KCNH2: variants seen among roughly 807,000 people sequenced by gnomAD.
The protein encoded by KCNH2 is potassium voltage-gated channel subfamily H member 2.
In KCNH2, 35 loss-of-function variants were observed where a neutral mutation model predicts 95.9. That is an observed-to-expected ratio of 0.37 (90% CI 0.28 to 0.48). KCNH2 has a LOEUF of 0.48. KCNH2 is among the 20% of genes least tolerant of loss of function. The pLI is 0.99. For missense variants in KCNH2, 1,274 were observed against 1,702.9 expected (o/e 0.75, Z 4.43); for synonymous variants, 786 against 754.7 (o/e 1.04, Z -0.68).
chr7:150,948,918 T>A lies in KCNH2; in HGVS notation c.2530A>T (p.Met844Leu). The A allele has an allele frequency of 3.1e-6, 5 of 1,614,208 alleles. No individual in the cohort carries two copies. The highest frequency in any genetic ancestry group is 4.2e-6 in the Non-Finnish European group (5 of 1,180,024). Residue 844 changes from methionine (M) to leucine (L), a missense_variant, in exon 10 of 15, where the codon ATG (methionine) becomes TTG (leucine). Coordinates refer to ENST00000262186, the MANE Select transcript of KCNH2 (RefSeq NM_000238.4). ...HRDDLLEVLD[M>L]YPEFSDHFWS... ...AAGTGGTCGGAGAACTCAGGGTACATGTCCAGCACCTCCAGCAGGTCGTCC... is the reference window on the plus strand; with the variant it reads ...AAGTGGTCGGAGAACTCAGGGTACAAGTCCAGCACCTCCAGCAGGTCGTCC...
chr7:150,970,661 G>C (rs916115616), intron 2 of KCNH2, among the ~76,000 whole-genome samples: 1 of 152,156 alleles, frequency 6.6e-6, no homozygotes, highest in Non-Finnish European at 1.5e-5. Flanking sequence ...CAACTGGCTC[G>C]GAAGCAGGGC....
In KCNH2 at chr7:150,946,744, T is replaced by G; in HGVS notation, c.3330+133A>C. Reference sequence around the variant, plus strand: ...CAGCCTTCCTCCAGGAGGACAGGGGTGGGAGGAGGGCAGGAACAAGGTTCA... The same window carrying G: ...CAGCCTTCCTCCAGGAGGACAGGGGGGGGAGGAGGGCAGGAACAAGGTTCA... On this transcript the variant is annotated intron_variant, in intron 14 of 14. Coordinates refer to ENST00000262186, the MANE Select transcript of KCNH2 (RefSeq NM_000238.4). This position sits in a 1 kb window ranked among gnomAD's most constrained non-coding sequence, Gnocchi z 6.5. 17 of 766,112 alleles carry G rather than the reference T, an allele frequency of 2.2e-5. No homozygotes were observed. Among genetic ancestry groups the G allele is most frequent in the South Asian group, 5.9e-5 (3 of 51,206 alleles). 47.5% of individuals were successfully genotyped at this position (766,112 alleles called of 1,614,324 possible). A position where few individuals can be genotyped will look rare whatever the true frequency, so the allele number is the denominator to read the frequency against.
In KCNH2 at chr7:150,945,568, G is replaced by C; in HGVS notation, c.3331-54C>G. 2.6e-6 allele frequency: 4 copies of C among 1,533,464 alleles called. No individual in the cohort carries two copies. Among genetic ancestry groups the C allele is most frequent in the East Asian group, 2.4e-5 (1 of 41,048 alleles). The allele number at this position is 1,533,464 out of a possible 1,614,324, so 95.0% of individuals were successfully genotyped here. A position where few individuals can be genotyped will look rare whatever the true frequency, so the allele number is the denominator to read the frequency against. On this transcript the variant is annotated intron_variant, in intron 14 of 14. Transcript: ENST00000262186. This position sits in a 1 kb window ranked among gnomAD's most constrained non-coding sequence, Gnocchi z 5.6. ...GAAGAGGCCATGGAGGAGGAGGAAG[G>C]GGAGGGAAAGGGGCAGGAGAACCCG...
At chr7:150,949,710 C>T (rs1175064930) in intron 9 of KCNH2, 31 of 1,176,814 alleles carry the variant, frequency 2.6e-5, no homozygotes, top group Non-Finnish European at 3.1e-5. Flanking sequence ...CACACCAACC[C>T]ACCCACTGTG....
At chr7:150,968,577 G>A (rs997563658) in intron 2 of KCNH2, among the ~76,000 whole-genome samples, 1 of 152,214 alleles carries the variant, frequency 6.6e-6, no homozygotes, top group Non-Finnish European at 1.5e-5. Flanking sequence ...ACATATGCAA[G>A]CAACACATTC....
At position 150,962,836 on chromosome 7, in the gene KCNH2, G is replaced by A. The variant is rs1306570848; in HGVS notation, c.308-3100C>T. Among the ~76,000 whole-genome samples the A allele has an allele frequency of 4.6e-5, 7 of 152,174 alleles. No individual in the cohort carries two copies. The highest frequency in any genetic ancestry group is 3.3e-4 in the Admixed American group (5 of 15,290). Reference sequence around the variant, plus strand: ...GGAAGGAAGGAAAGTAGGGGCCCCAGATAGGCCTGGGCTCTCAGAGGCACT... The same window carrying A: ...GGAAGGAAGGAAAGTAGGGGCCCCAAATAGGCCTGGGCTCTCAGAGGCACT... On this transcript the variant is annotated intron_variant, in intron 2 of 14. Coordinates refer to ENST00000262186, the MANE Select transcript of KCNH2 (RefSeq NM_000238.4). This position sits in a 1 kb window ranked among gnomAD's most constrained non-coding sequence, Gnocchi z 5.7.
At chr7:150,965,707 G>A (rs1014788514) in intron 2 of KCNH2, among the ~76,000 whole-genome samples, 5 of 152,168 alleles carry the variant, frequency 3.3e-5, no homozygotes, top group South Asian at 2.1e-4. Context: ...AATGCCCATC[G>A]TCTAGAAGGC....
At chr7:150,965,069 C>CGTGT (rs557975256) in intron 2 of KCNH2, among the ~76,000 whole-genome samples, 13 of 150,948 alleles carry the variant, frequency 8.6e-5, no homozygotes, top group Middle Eastern at 3.4e-3. Context: ...TGTGTGCGCG[C>CGTGT]GTGTGTGTGT....
intron 8 of KCNH2, among the ~76,000 whole-genome samples, chr7:150,950,646 T>A (rs1013982234): frequency 6.6e-6 from 1 of 152,126 alleles, no homozygotes; most frequent in African/African-American, 2.4e-5. Flanking sequence ...ATGTTCTTAT[T>A]TGTAAGGCAT....
In KCNH2 at chr7:150,974,338, A is replaced by G. The variant is rs560000582; in HGVS notation, c.307+373T>C. Among the ~76,000 whole-genome samples the G allele has an allele frequency of 7.9e-4, 121 of 152,270 alleles. 1 individual carries two copies. In the South Asian group the frequency reaches 8.3e-3, roughly 10 times the overall value. On this transcript the variant is annotated intron_variant, in intron 2 of 14. Transcript: ENST00000262186. ...CCCGGATGTCAGCGCACAACTGCCA[A>G]TCTGACCTTTAACCTCCATCCACGC...
chr7:150,955,841 C>G (rs1801355538), intron 5 of KCNH2: 1 of 1,067,378 alleles, frequency 9.4e-7, no homozygotes, highest in Non-Finnish European at 1.1e-6. Flanking sequence ...CTCCTTCTAC[C>G]AGGTCCCCAC....
intron 1 of KCNH2, among the ~76,000 whole-genome samples, chr7:150,976,319 A>C (rs903416796): frequency 6.6e-6 from 1 of 152,206 alleles, no homozygotes; most frequent in African/African-American, 2.4e-5. Flanking sequence ...CCTGGCCCCC[A>C]GAAAGTTGCC....
At position 150,962,627 on chromosome 7, in the gene KCNH2, C is replaced by CAGAGAG. The variant is rs41307331; in HGVS notation, c.308-2897_308-2892dup. ...CACACTTACACACACACACGAGAGA[C>CAGAGAG]AGAGAGAGAGAGAGAGAGAGAGAGA... On this transcript the variant is annotated intron_variant, in intron 2 of 14. Coordinates refer to ENST00000262186, the MANE Select transcript of KCNH2 (RefSeq NM_000238.4). This position sits in a 1 kb window ranked among gnomAD's most constrained non-coding sequence, Gnocchi z 5.7. Among the ~76,000 whole-genome samples the CAGAGAG allele has an allele frequency of 8.2e-3, 1,195 of 146,328 alleles. 18 individuals are homozygous for CAGAGAG. The highest frequency in any genetic ancestry group is 0.023 in the African/African-American group (916 of 39,306).
intron 4 of KCNH2, 83 bp downstream of exon 4, chr7:150,957,976 A>G: frequency 8.7e-7 from 1 of 1,145,552 alleles, no homozygotes; most frequent in Non-Finnish European, 1.1e-6. Context: ...TGAAAAGGTC[A>G]GAAGCCGAGG....
At position 150,946,723 on chromosome 7, in the gene KCNH2, C is replaced by A. The variant is rs1165232594; in HGVS notation, c.3330+154G>T. On this transcript the variant is annotated intron_variant, in intron 14 of 14. Transcript: ENST00000262186. This position sits in a 1 kb window ranked among gnomAD's most constrained non-coding sequence, Gnocchi z 6.5. ...CTGAGCCTGCAGCTCCTGAAGCAGC[C>A]TTCCTCCAGGAGGACAGGGGTGGGA... 1.3e-5 allele frequency among the ~76,000 whole-genome samples: 2 copies of A among 152,194 alleles called. No individual in the cohort carries two copies. Among genetic ancestry groups the A allele is most frequent in the South Asian group, 4.1e-4 (2 of 4,834 alleles).
At position 150,948,454 on chromosome 7, in the gene KCNH2, G is replaced by T; in HGVS notation, c.2682C>A (p.Arg894=). ...CCTCCCCCGCCTCACCCTTGTCCGT[G>T]CGCCTGCGGAAGGACAACTTGCGCT... ...QRKRKLSFRR[R]TDKDTEQPGE... is the part of the protein sequence containing the mutation. Residue 894 remains arginine, a synonymous_variant, in exon 11 of 15, where the codon CGC becomes CGA. Transcript: ENST00000262186. 1 of 1,604,106 alleles carries T rather than the reference G, an allele frequency of 6.2e-7. No individual in the cohort carries two copies. Among genetic ancestry groups the T allele is most frequent in the South Asian group, 1.1e-5 (1 of 90,982 alleles).
At chr7:150,967,700 G>A (rs1563182308) in intron 2 of KCNH2, among the ~76,000 whole-genome samples, 1 of 152,204 alleles carries the variant, frequency 6.6e-6, no homozygotes, top group African/African-American at 2.4e-5. Context: ...GAAGAAAATG[G>A]AGACCCTCTG....
At chr7:150,951,982 G>T in intron 6 of KCNH2, 147 bp from the exon 7 acceptor site, 1 of 733,084 alleles carries the variant, frequency 1.4e-6, no homozygotes, top group South Asian at 1.9e-5. Flanking sequence ...AGCCCACACT[G>T]GGCCCAGCAC....
intron 2 of KCNH2, among the ~76,000 whole-genome samples, chr7:150,970,420 G>C (rs1348011437): frequency 2.0e-5 from 3 of 151,878 alleles, no homozygotes; most frequent in African/African-American, 2.4e-5. Context: ...CGGAGAAGCC[G>C]CTCTCCCGAC....
Sources: allele counts gnomAD v4.1 joint callset (sites outside exome capture counted in the v4.1 genomes callset), GRCh38; gene constraint gnomAD v4.1.1; non-coding constraint Gnocchi (gnomAD v3.1); transcripts MANE v1.5; gene names NCBI Gene and HGNC (gene_info 2026-07-23, HGNC 2026-07-21).